AK7: variants seen among roughly 807,000 people sequenced by gnomAD.
The protein encoded by AK7 is adenylate kinase 7.
Under a neutral mutation model 96.6 loss-of-function variants are expected in AK7, and 78 were observed. The observed-to-expected ratio is 0.81, with a 90% CI of 0.67 to 0.97. AK7 has a LOEUF of 0.97. Among genes scored for constraint, AK7 ranks in the 50% least tolerant of loss-of-function variants. The pLI is 0.00. For missense variants in AK7, 855 were observed against 887.9 expected (o/e 0.96, Z 0.47); for synonymous variants, 302 against 317.2 (o/e 0.95, Z 0.51).
At chr14:96,409,065 A>T in intron 4 of AK7, 124 bp downstream of exon 4, 1 of 912,674 alleles carries the variant, frequency 1.1e-6, no homozygotes, top group Non-Finnish European at 1.7e-6. Context: ...ATCCCATAAT[A>T]AGCACCCAGC....
At position 96,449,824 on chromosome 14, in the gene AK7, C is replaced by T; in HGVS notation, c.893C>T (p.Pro298Leu). ...IVKCISKNTGPGKIQKIPREN... is the reference protein window; with the variant it reads ...IVKCISKNTGLGKIQKIPREN... ...CAGTGTATCAGTAAAAATACTGGCCCTGGGAAAATCCAGAAAATACCCAGA... is the reference window on the plus strand; with the variant it reads ...CAGTGTATCAGTAAAAATACTGGCCTTGGGAAAATCCAGAAAATACCCAGA... Residue 298 changes from proline to leucine, a missense_variant, in exon 9 of 18, where the codon CCT becomes CTT. Transcript: ENST00000267584. 2 of 1,611,140 alleles carry T rather than the reference C, an allele frequency of 1.2e-6. No individual in the cohort carries two copies. Among genetic ancestry groups the T allele is most frequent in the Non-Finnish European group, 1.7e-6 (2 of 1,178,568 alleles).
At chr14:96,415,746 A>T (rs375657556) in intron 4 of AK7, among the ~76,000 whole-genome samples, 2,773 of 102,046 alleles carry the variant, frequency 0.027, 102 homozygotes, top group African/African-American at 0.074. Context: ...CATTAATTAA[A>T]TTAATTAATT....
chr14:96,459,446 G>A (rs915403053), intron 12 of AK7, among the ~76,000 whole-genome samples: 3 of 152,130 alleles, frequency 2.0e-5, no homozygotes, highest in African/African-American at 7.2e-5. Context: ...CAATCAGTTG[G>A]TTGTCCTTTT....
intron 14 of AK7, among the ~76,000 whole-genome samples, chr14:96,473,086 A>G (rs752923614): frequency 6.6e-6 from 1 of 152,018 alleles, no homozygotes; most frequent in African/African-American, 2.4e-5. Context: ...TCAAAAGAAA[A>G]GAAGAATGCT....
intron 1 of AK7, among the ~76,000 whole-genome samples, chr14:96,395,919 C>T (rs1890054899): frequency 7.4e-6 from 1 of 135,848 alleles, no homozygotes; most frequent in Non-Finnish European, 1.5e-5. Context: ...TCAGGCGATT[C>T]TCCTGCCTCA....
At chr14:96,409,931 T>G (rs1454969910) in intron 4 of AK7, among the ~76,000 whole-genome samples, 2 of 152,196 alleles carry the variant, frequency 1.3e-5, no homozygotes, top group African/African-American at 4.8e-5. Context: ...ATAGCAATGG[T>G]GTGTTCAAGG....
intron 4 of AK7, among the ~76,000 whole-genome samples, chr14:96,411,767 G>A (rs1891042988): frequency 6.6e-6 from 1 of 152,216 alleles, no homozygotes; most frequent in African/African-American, 2.4e-5. Context: ...AATTGAAGGG[G>A]GCGTGGCAGA....
chr14:96,457,704 A>G (rs1265422674), intron 11 of AK7, among the ~76,000 whole-genome samples: 3 of 152,140 alleles, frequency 2.0e-5, no homozygotes, highest in Non-Finnish European at 4.4e-5. Context: ...ACTGCTTTGT[A>G]TCATTTTATT....
intron 5 of AK7, among the ~76,000 whole-genome samples, chr14:96,428,607 AC>A (rs1463503653): frequency 6.6e-6 from 1 of 152,144 alleles, no homozygotes; most frequent in Non-Finnish European, 1.5e-5. Flanking sequence ...CTATTTCTCC[AC>A]ATCCTCTCCA....
chr14:96,432,747 G>A (rs1027511141), intron 5 of AK7, among the ~76,000 whole-genome samples: 4 of 151,390 alleles, frequency 2.6e-5, no homozygotes, highest in African/African-American at 4.9e-5. Context: ...CACTTTGGGA[G>A]CCCACGGCAG....
chr14:96,427,156 A>G (rs1892072188), intron 5 of AK7, among the ~76,000 whole-genome samples: 1 of 152,132 alleles, frequency 6.6e-6, no homozygotes, highest in Non-Finnish European at 1.5e-5. Context: ...GAGGCAGGAG[A>G]ATCGTTTGAA....
chr14:96,428,249 T>A (rs1892145115), intron 5 of AK7, among the ~76,000 whole-genome samples: 1 of 151,286 alleles, frequency 6.6e-6, no homozygotes, highest in African/African-American at 2.5e-5. Context: ...TTGCTCAGAA[T>A]GATGGTTTCC....
At chr14:96,417,747 T>C (rs9919924) in intron 4 of AK7, among the ~76,000 whole-genome samples, 128,930 of 152,148 alleles carry the variant, frequency 0.85, 54,782 homozygotes, top group East Asian at 0.96. Flanking sequence ...TCCTCCATAG[T>C]ACCACCTCAG....
At chr14:96,434,151 T>C (rs952767816) in intron 5 of AK7, among the ~76,000 whole-genome samples, 7 of 152,238 alleles carry the variant, frequency 4.6e-5, no homozygotes, top group African/African-American at 1.4e-4. Flanking sequence ...TAGAGTTAGG[T>C]ATTTATTGTT....
In AK7 at chr14:96,488,221, T is replaced by G. The variant is rs929263957; in HGVS notation, c.2134-84T>G. 5.8e-6 allele frequency: 8 copies of G among 1,379,926 alleles called. No individual in the cohort carries two copies. In the East Asian group the frequency reaches 1.9e-4, roughly 32 times the overall value. 85.5% of individuals were successfully genotyped at this position (1,379,926 alleles called of 1,614,324 possible). ...AGCCACCAAGCTTGGCCCAGGATGA[T>G]TTTTAAATTGTAAACATTACTAATA... On this transcript the variant is annotated intron_variant, in intron 17 of 17. Coordinates refer to ENST00000267584, the MANE Select transcript of AK7 (RefSeq NM_152327.5).
At chr14:96,436,863 G>A (rs1170026068) in intron 5 of AK7, among the ~76,000 whole-genome samples, 1 of 152,092 alleles carries the variant, frequency 6.6e-6, no homozygotes, top group Non-Finnish European at 1.5e-5. Context: ...GCAGCAGGCC[G>A]CCATGTGGAG....
rs1378780313 is a variant in AK7 at position 96,399,255 on chromosome 14, T to G, written c.294+992T>G. The G allele has an allele frequency of 6.6e-6, 1 of 152,232 alleles. No individual in the cohort carries two copies. The highest frequency in any genetic ancestry group is 1.5e-5 in the Non-Finnish European group (1 of 68,054). The allele number at this position is 152,232 out of a possible 1,614,324, so 9.4% of individuals were successfully genotyped here. On this transcript the variant is annotated intron_variant, in intron 2 of 17. Coordinates refer to ENST00000267584, the MANE Select transcript of AK7 (RefSeq NM_152327.5). The surrounding 1 kb of genome is among the most constrained non-coding windows in gnomAD (Gnocchi z 4.1). ...TATCTGTGGCACCTAACACAGCCAC[T>G]GCCACAAAGTGGCCTCAATAAACAC...
At chr14:96,473,798 G>C (rs1895034957) in intron 14 of AK7, among the ~76,000 whole-genome samples, 1 of 152,144 alleles carries the variant, frequency 6.6e-6, no homozygotes, top group South Asian at 2.1e-4. Flanking sequence ...CTCCTTCCCT[G>C]CCCTGGTTTT....
intron 3 of AK7, among the ~76,000 whole-genome samples, chr14:96,408,290 G>A (rs1890839692): frequency 6.6e-6 from 1 of 152,206 alleles, no homozygotes; most frequent in Non-Finnish European, 1.5e-5. Context: ...TAGGTGGCAT[G>A]GTGGGTACAG....
Sources: gnomAD v4.1 joint callset for allele counts (sites outside exome capture counted in the v4.1 genomes callset) on GRCh38, gnomAD v4.1.1 for gene constraint, Gnocchi (gnomAD v3.1) non-coding constraint, MANE v1.5 for transcripts, NCBI Gene and HGNC (gene_info 2026-07-23, HGNC 2026-07-21) for gene names.